Variants in MYO16 observed in about 807,000 individuals in gnomAD.
The protein encoded by MYO16 is myosin XVI, also known as unconventional myosin-XVI.
Under a neutral mutation model 205.3 loss-of-function variants are expected in MYO16, and 94 were observed. That is an observed-to-expected ratio of 0.46 (90% CI 0.39 to 0.54). The LOEUF (loss-of-function observed/expected upper bound fraction) is 0.54. Ranked by LOEUF, MYO16 falls within the 20% of genes least tolerant of loss-of-function variation. The probability of loss-of-function intolerance (pLI) is 0.00; values close to 1 mark genes in which losing one functional copy is unlikely to be tolerated. For synonymous variants in MYO16, 988 were observed against 954.0 expected, an observed-to-expected ratio of 1.04 and a Z score of -0.66; for missense variants, 2,315 against 2,387.5, an observed-to-expected ratio of 0.97 and a Z score of 0.63.
At position 108,837,474 on chromosome 13, in the gene MYO16, G is replaced by A. The variant is rs556133778; in HGVS notation, c.1098-6869G>A. On this transcript the variant is annotated intron_variant, in intron 9 of 34. Coordinates refer to ENST00000457511, the MANE Select transcript of MYO16 (RefSeq NM_001198950.3). ...AGCTATGATATAATTGAGTGAGTTA[G>A]TGACTTATTTTTGAGATGCAGGTGA... Among the ~76,000 whole-genome samples the A allele has an allele frequency of 5.9e-5, 9 of 152,308 alleles. No individual in the cohort carries two copies. The South Asian group carries it at 1.9e-3, about 32-fold the overall frequency.
intron 2 of MYO16, among the ~76,000 whole-genome samples, chr13:108,709,636 T>C (rs1883647332): frequency 7.4e-6 from 1 of 135,892 alleles, no homozygotes; most frequent in Non-Finnish European, 1.6e-5. Context: ...ATAATTTTCT[T>C]CTCAAAATTA....
intron 2 of MYO16, among the ~76,000 whole-genome samples, chr13:108,680,716 A>G (rs1882426675): frequency 6.6e-6 from 1 of 152,180 alleles, no homozygotes; most frequent in Non-Finnish European, 1.5e-5. Flanking sequence ...TAAGAACCCA[A>G]ATTTCTTCAT....
At chr13:108,572,757 A>G in the MYO16 span, among the ~76,000 whole-genome samples, 1 of 152,176 alleles carries the variant, frequency 6.6e-6, no homozygotes, top group Non-Finnish European at 1.5e-5. Flanking sequence ...TATGCTTTAA[A>G]CACTAGATCT....
intron 8 of MYO16, among the ~76,000 whole-genome samples, chr13:108,822,398 G>A (rs1186403543): frequency 6.6e-6 from 1 of 152,136 alleles, no homozygotes; most frequent in Admixed American, 6.6e-5. Context: ...TGGTCACACA[G>A]TCTGGTCCTG....
At chr13:108,579,588 C>T in the MYO16 span, among the ~76,000 whole-genome samples, 4 of 151,770 alleles carry the variant, frequency 2.6e-5, no homozygotes, top group Non-Finnish European at 4.4e-5. Context: ...TTACAGGCGC[C>T]CTCCATCACA....
chr13:108,579,707 G>A, the MYO16 span, among the ~76,000 whole-genome samples: 1 of 152,102 alleles, frequency 6.6e-6, no homozygotes, highest in African/African-American at 2.4e-5. Context: ...CCAAAGTGCT[G>A]CGATACAGGT....
At chr13:108,642,634 T>A (rs967156772) in intron 1 of MYO16, among the ~76,000 whole-genome samples, 3 of 152,020 alleles carry the variant, frequency 2.0e-5, no homozygotes, top group Non-Finnish European at 4.4e-5. Context: ...GCCAGGCTGG[T>A]CTCAAACTCC....
At chr13:108,796,277 G>T (rs1014333677) in intron 6 of MYO16, among the ~76,000 whole-genome samples, 2 of 152,196 alleles carry the variant, frequency 1.3e-5, no homozygotes, top group Admixed American at 6.5e-5. Flanking sequence ...ACAGGTGCTG[G>T]ATAAGATGTG....
chr13:108,809,087 C>T (rs1887206135), intron 7 of MYO16, among the ~76,000 whole-genome samples: 1 of 152,182 alleles, frequency 6.6e-6, no homozygotes, highest in South Asian at 2.1e-4. Context: ...GACAACTATG[C>T]TGCAGAAGCC....
intron 13 of MYO16, among the ~76,000 whole-genome samples, chr13:108,887,525 C>T (rs9521084): frequency 0.75 from 113,647 of 152,088 alleles, 42,685 homozygotes; most frequent in East Asian, 0.97. Context: ...AATTTTATGT[C>T]AATCCTATAT....
At chr13:108,960,533 G>A (rs1883542919) in intron 17 of MYO16, among the ~76,000 whole-genome samples, 1 of 152,056 alleles carries the variant, frequency 6.6e-6, no homozygotes, top group African/African-American at 2.4e-5. Context: ...TACAAGCTCT[G>A]GGGAAAATCA....
intron 23 of MYO16, among the ~76,000 whole-genome samples, chr13:109,035,921 G>T (rs774603985): frequency 7.9e-5 from 12 of 152,294 alleles, no homozygotes; most frequent in Non-Finnish European, 1.3e-4. Context: ...GACTAAAGAG[G>T]TCTGGGGTGA....
At chr13:108,533,574 C>A in the MYO16 span, among the ~76,000 whole-genome samples, 1 of 152,156 alleles carries the variant, frequency 6.6e-6, no homozygotes, top group Non-Finnish European at 1.5e-5. Context: ...GTGTGTATGC[C>A]ACACATTGAT....
At chr13:108,594,447 T>G (rs1173754800), upstream of MYO16, among the ~76,000 whole-genome samples, 1 of 152,204 alleles carries the variant, frequency 6.6e-6, no homozygotes, top group African/African-American at 2.4e-5. Context: ...CAATGCCTGC[T>G]TCCCTCATTC....
At chr13:109,200,216 G>T (rs1886086) in intron 34 of MYO16, among the ~76,000 whole-genome samples, 7 of 152,186 alleles carry the variant, frequency 4.6e-5, no homozygotes, top group African/African-American at 9.7e-5. Context: ...TCATTATAAC[G>T]TAACCTATGA....
At chr13:109,104,327 G>GC (rs1303802115) in intron 28 of MYO16, among the ~76,000 whole-genome samples, 8 of 152,322 alleles carry the variant, frequency 5.3e-5, no homozygotes, top group African/African-American at 1.9e-4. Flanking sequence ...TGAGCAGCCT[G>GC]CCCCTTGTAC....
intron 1 of MYO16, among the ~76,000 whole-genome samples, chr13:108,648,191 A>AGATG (rs556008714): frequency 9.8e-5 from 15 of 152,350 alleles, no homozygotes; most frequent in Admixed American, 8.5e-4. Context: ...AATGGGACAA[A>AGATG]GATGGTCAAA....
intron 33 of MYO16, chr13:109,166,513 A>T (rs192125957): frequency 9.7e-4 from 148 of 152,378 alleles, no homozygotes; most frequent in African/African-American, 3.3e-3. Context: ...TCTTAGGGAA[A>T]GAAGAGGGAG....
chr13:109,075,290 G>T (rs1002184708), intron 27 of MYO16, among the ~76,000 whole-genome samples: 3 of 141,754 alleles, frequency 2.1e-5, no homozygotes, highest in Non-Finnish European at 4.7e-5. Context: ...CAAATTGGTT[G>T]TTCCCTTTTG....
Sources: gnomAD v4.1 joint callset for allele counts (sites outside exome capture counted in the v4.1 genomes callset) on GRCh38, gnomAD v4.1.1 for gene constraint, MANE v1.5 for transcripts, NCBI Gene and HGNC (gene_info 2026-07-23, HGNC 2026-07-21) for gene names.